Variants in IL1R2 observed in about 807,000 individuals in gnomAD.
IL1R2 encodes interleukin 1 receptor type 2, also known as interleukin-1 receptor type 2.
A neutral mutation model predicts 39.5 loss-of-function variants in IL1R2; 46 were observed. The observed-to-expected ratio is 1.16, with a 90% CI of 0.92 to 1.49. The LOEUF (loss-of-function observed/expected upper bound fraction) is 1.49, where lower values mean the gene tolerates loss of function less well. Among genes scored for constraint, IL1R2 ranks in the 40% most tolerant of loss-of-function variants. IL1R2 has a pLI of 0.00. For missense variants in IL1R2, 537 were observed against 502.0 expected (o/e 1.07, Z -0.67); for synonymous variants, 207 against 189.6 (o/e 1.09, Z -0.75).
rs1254622606 is a variant in IL1R2 at position 102,022,187 on chromosome 2, A to G, written c.689A>G (p.Lys230Arg). ...TCTCTTTTCCTTACATCTTTCTCAG[A>G]AAAAAAAGAAGAGACCATTCCTGTG... ...ITRSIELRIKKKKEETIPVII... is the reference protein window; with the variant it reads ...ITRSIELRIKRKKEETIPVII... The change falls in exon 6 of 9, where the codon AAA becomes AGA. Residue 230 changes from lysine (K) to arginine (R), a missense_variant and splice_region_variant. Coordinates refer to ENST00000332549, the MANE Select transcript of IL1R2 (RefSeq NM_004633.4). 2 of 1,608,344 alleles carry G rather than the reference A, an allele frequency of 1.2e-6. No individual in the cohort carries two copies. The highest frequency in any genetic ancestry group is 2.2e-5 in the East Asian group (1 of 44,838).
intron 1 of IL1R2, among the ~76,000 whole-genome samples, chr2:102,003,102 G>GT (rs547407916): frequency 8.7e-6 from 1 of 114,978 alleles, no homozygotes; most frequent in East Asian, 2.6e-4. Context: ...GTCTATGTCT[G>GT]TGTCTATGTC....
rs1677257465 is a variant in IL1R2 at position 102,019,887 on chromosome 2, G to T, written c.688+75G>T. ...ATGCAGAGAACAAATGACGGTGCAC[G>T]TAGAATTCCTTGCAGGTCTTTGGAA... On this transcript the variant is annotated intron_variant, in intron 5 of 8. Coordinates refer to ENST00000332549, the MANE Select transcript of IL1R2 (RefSeq NM_004633.4). 5 of 1,273,248 alleles carry T rather than the reference G, an allele frequency of 3.9e-6. No individual in the cohort carries two copies. In the Admixed American group the frequency reaches 1.1e-4, roughly 28 times the overall value. 78.9% of individuals were successfully genotyped at this position (1,273,248 alleles called of 1,614,324 possible).
At chr2:101,995,017 CCCT>C (rs1451597924) in intron 1 of IL1R2, among the ~76,000 whole-genome samples, 4 of 152,162 alleles carry the variant, frequency 2.6e-5, no homozygotes, top group Non-Finnish European at 5.9e-5. Flanking sequence ...TTGTATAATT[CCCT>C]CCTTGTGGGA....
chr2:101,998,805 A>G (rs935756688), intron 1 of IL1R2, among the ~76,000 whole-genome samples: 1 of 152,226 alleles, frequency 6.6e-6, no homozygotes, highest in African/African-American at 2.4e-5. Flanking sequence ...GCCAGGCAGA[A>G]GCAAGCACCC....
At chr2:102,006,337 G>A (rs1464843335) in intron 1 of IL1R2, among the ~76,000 whole-genome samples, 1 of 152,164 alleles carries the variant, frequency 6.6e-6, no homozygotes, top group African/African-American at 2.4e-5. Flanking sequence ...TCAGAAACTC[G>A]TGAAGAATAG....
chr2:101,993,307 G>A (rs1675435610), intron 1 of IL1R2, among the ~76,000 whole-genome samples: 1 of 152,160 alleles, frequency 6.6e-6, no homozygotes, highest in African/African-American at 2.4e-5. Flanking sequence ...CTGCGTGACA[G>A]CTCACCTGCT....
intron 1 of IL1R2, among the ~76,000 whole-genome samples, chr2:102,003,090 GT>G: frequency 8.8e-6 from 1 of 114,248 alleles, no homozygotes; most frequent in African/African-American, 2.7e-5. Flanking sequence ...GTCCGTGTCT[GT>G]GTCTATGTCT....
At chr2:102,028,205 G>A (rs1467355776) in intron 8 of IL1R2, 21 bp from the exon 9 acceptor site, 1 of 1,590,242 alleles carries the variant, frequency 6.3e-7, no homozygotes, top group Admixed American at 1.7e-5. Context: ...AGCTCCTGAT[G>A]TGACTCTGTT....
At chr2:102,007,135 C>T (rs1431957111) in intron 1 of IL1R2, among the ~76,000 whole-genome samples, 1 of 152,134 alleles carries the variant, frequency 6.6e-6, no homozygotes, top group Non-Finnish European at 1.5e-5. Context: ...GTTTGTTAAG[C>T]AGCATCGTTG....
At chr2:102,017,245 A>C (rs1677061462) in intron 4 of IL1R2, among the ~76,000 whole-genome samples, 1 of 152,018 alleles carries the variant, frequency 6.6e-6, no homozygotes, top group African/African-American at 2.4e-5. Context: ...TAAAAATAAA[A>C]AATTAGCTGG....
chr2:102,013,574 AGG>A (rs1313299563), intron 3 of IL1R2, among the ~76,000 whole-genome samples: 52 of 129,872 alleles, frequency 4.0e-4, no homozygotes, highest in South Asian at 5.1e-4. Flanking sequence ...AAAGAAAAGA[AGG>A]AAAAGAAAAA....
intron 5 of IL1R2, among the ~76,000 whole-genome samples, chr2:102,020,177 T>C (rs1052793497): frequency 6.6e-6 from 1 of 152,192 alleles, no homozygotes; most frequent in Non-Finnish European, 1.5e-5. Flanking sequence ...TAACTTTATG[T>C]TCAATTTTAG....
chr2:102,001,599 A>G (rs1390657988), intron 1 of IL1R2, among the ~76,000 whole-genome samples: 1 of 151,868 alleles, frequency 6.6e-6, no homozygotes, highest in East Asian at 1.9e-4. Context: ...TTTCTGGACA[A>G]CTCATCTAGG....
At chr2:102,021,624 T>C (rs1054775930) in intron 5 of IL1R2, among the ~76,000 whole-genome samples, 1 of 152,228 alleles carries the variant, frequency 6.6e-6, no homozygotes, top group African/African-American at 2.4e-5. Context: ...ACCTCCTTTC[T>C]TTACGTTGGC....
chr2:101,998,365 C>T (rs1017347745), intron 1 of IL1R2, among the ~76,000 whole-genome samples: 1 of 152,186 alleles, frequency 6.6e-6, no homozygotes, highest in African/African-American at 2.4e-5. Flanking sequence ...AATCAGCTGC[C>T]GCTTTTTTCA....
intron 3 of IL1R2, among the ~76,000 whole-genome samples, chr2:102,015,446 A>G (rs1469581453): frequency 1.3e-5 from 2 of 152,198 alleles, no homozygotes; most frequent in African/African-American, 2.4e-5. Flanking sequence ...ACAATGGGGT[A>G]AATACCAATA....
At position 102,028,341 on chromosome 2, in the gene IL1R2, T is replaced by C. The variant is rs368335690; in HGVS notation, c.1146T>C (p.Gly382=). Residue 382 remains glycine, a synonymous_variant, in exon 9 of 9, where the codon GGT becomes GGC. Transcript: ENST00000332549. ...RCKHRTGKAD[G]LTVLWPHHQD... ...AACACAGAACTGGAAAAGCAGATGG[T>C]CTGACTGTGCTATGGCCTCATCATC... 1.2e-6 allele frequency: 2 copies of C among 1,610,586 alleles called. No homozygotes were observed. Among genetic ancestry groups the C allele is most frequent in the African/African-American group, 1.3e-5 (1 of 74,910 alleles).
chr2:102,022,309 C>G (rs941828992), intron 6 of IL1R2, 60 bp downstream of exon 6: 1 of 1,442,208 alleles, frequency 6.9e-7, no homozygotes, highest in South Asian at 1.1e-5. Context: ...TATCCCAATG[C>G]AGGGGGCTTG....
intron 3 of IL1R2, among the ~76,000 whole-genome samples, chr2:102,013,555 AAAGAAAG>A (rs1676785339): frequency 2.0e-5 from 2 of 99,842 alleles, no homozygotes; most frequent in Non-Finnish European, 4.1e-5. Flanking sequence ...AAAAAAAAGG[AAAGAAAG>A]AAAAGAAAAG....
Sources: gnomAD v4.1 joint callset for allele counts (sites outside exome capture counted in the v4.1 genomes callset) on GRCh38, gnomAD v4.1.1 for gene constraint, MANE v1.5 for transcripts, NCBI Gene and HGNC (gene_info 2026-07-23, HGNC 2026-07-21) for gene names.